The following LRRC4C variants were observed in gnomAD, a reference collection of about 807,000 sequenced individuals.
LRRC4C encodes leucine rich repeat containing 4C.
A neutral mutation model predicts 33.6 loss-of-function variants in LRRC4C; 5 were observed. The observed-to-expected ratio is 0.15, with a 90% confidence interval of 0.08 to 0.31. The LOEUF is 0.31. Among genes scored for constraint, LRRC4C ranks in the 10% least tolerant of loss-of-function variants. The probability of loss-of-function intolerance (pLI) is 1.00; values close to 1 mark genes in which losing one functional copy is unlikely to be tolerated. For missense variants in LRRC4C, 560 were observed against 796.7 expected, an observed-to-expected ratio of 0.70 and a Z score of 3.58; for synonymous variants, 329 against 302.0, an observed-to-expected ratio of 1.09 and a Z score of -0.93.
intron 2 of LRRC4C, among the ~76,000 whole-genome samples, chr11:40,847,592 A>G (rs1953249953): frequency 1.3e-5 from 2 of 152,192 alleles, no homozygotes; most frequent in Non-Finnish European, 2.9e-5. Context: ...CATCAGGGAT[A>G]CTGGCCTGAA....
chr11:41,344,378 G>A (rs1405564882), intron 1 of LRRC4C, among the ~76,000 whole-genome samples: 1 of 151,852 alleles, frequency 6.6e-6, no homozygotes, highest in Admixed American at 6.6e-5. Flanking sequence ...CCGCCACCAC[G>A]CCTGGCTAAT....
chr11:40,680,236 G>A (rs564903720), intron 2 of LRRC4C, among the ~76,000 whole-genome samples: 11 of 152,284 alleles, frequency 7.2e-5, no homozygotes, highest in Middle Eastern at 3.4e-3. Flanking sequence ...TTGTACTTAG[G>A]AAGTAACTAA....
At chr11:41,291,301 C>T (rs1376960704) in intron 1 of LRRC4C, among the ~76,000 whole-genome samples, 1 of 152,074 alleles carries the variant, frequency 6.6e-6, no homozygotes, top group Non-Finnish European at 1.5e-5. Context: ...ATGGGACACT[C>T]AGGGGTAATA....
chr11:41,227,920 A>T (rs1488269461), intron 1 of LRRC4C, among the ~76,000 whole-genome samples: 1 of 151,772 alleles, frequency 6.6e-6, no homozygotes, highest in Non-Finnish European at 1.5e-5. Context: ...GTGGACATTT[A>T]TACATTTTTA....
chr11:40,724,885 A>T (rs1947211994), intron 2 of LRRC4C, among the ~76,000 whole-genome samples: 1 of 152,166 alleles, frequency 6.6e-6, no homozygotes, highest in South Asian at 2.1e-4. Flanking sequence ...ACAAATAAGC[A>T]CAATCTGAAA....
At chr11:41,078,123 C>G (rs890852268) in intron 1 of LRRC4C, among the ~76,000 whole-genome samples, 5 of 152,182 alleles carry the variant, frequency 3.3e-5, no homozygotes, top group African/African-American at 4.8e-5. Flanking sequence ...CTTTATTTTC[C>G]CTATCACTAT....
chr11:40,915,153 T>A (rs367657491), intron 2 of LRRC4C, among the ~76,000 whole-genome samples: 1 of 152,126 alleles, frequency 6.6e-6, no homozygotes, highest in South Asian at 2.1e-4. Flanking sequence ...GCCGTCTCCA[T>A]CAAGCTACCA....
In LRRC4C at chr11:40,483,720, T is replaced by C. The variant is rs535830638; in HGVS notation, c.-269-163999A>G. ...AATAAATGAAATCAAAGCTAAAACA[T>C]TGGTAAAATGATTTTTAAATGTAAT... On this transcript the variant is annotated intron_variant, in intron 3 of 6. Coordinates refer to ENST00000528697, the MANE Select transcript of LRRC4C (RefSeq NM_001258419.2). 2.0e-5 allele frequency among the ~76,000 whole-genome samples: 3 copies of C among 151,844 alleles called. No homozygotes were observed. In the South Asian group the frequency reaches 6.2e-4, roughly 32 times the overall value.
intron 2 of LRRC4C, among the ~76,000 whole-genome samples, chr11:40,689,517 A>G (rs1394558882): frequency 6.6e-6 from 1 of 152,118 alleles, no homozygotes; most frequent in African/African-American, 2.4e-5. Context: ...TAATATTTAT[A>G]ACAATCATGA....
At chr11:41,299,720 A>G (rs1950234470) in intron 1 of LRRC4C, among the ~76,000 whole-genome samples, 1 of 152,166 alleles carries the variant, frequency 6.6e-6, no homozygotes, top group South Asian at 2.1e-4. Context: ...AAACATTGAA[A>G]TTTTCAAATA....
chr11:40,638,536 G>T (rs964117689), intron 3 of LRRC4C, among the ~76,000 whole-genome samples: 8 of 151,964 alleles, frequency 5.3e-5, no homozygotes. Flanking sequence ...ACAATGCCTC[G>T]GACATAGTAT....
chr11:40,296,804 A>T (rs1409748263), intron 4 of LRRC4C, among the ~76,000 whole-genome samples: 1 of 152,192 alleles, frequency 6.6e-6, no homozygotes, highest in Non-Finnish European at 1.5e-5. Flanking sequence ...TTCAAGTAAA[A>T]ATTTCTATAA....
At chr11:40,413,993 T>A (rs1042643128) in intron 3 of LRRC4C, among the ~76,000 whole-genome samples, 1 of 152,108 alleles carries the variant, frequency 6.6e-6, no homozygotes, top group African/African-American at 2.4e-5. Flanking sequence ...ACAATTTTCA[T>A]CATTTTGTGT....
At chr11:40,250,068 C>CT (rs1166157704) in intron 4 of LRRC4C, among the ~76,000 whole-genome samples, 5 of 152,186 alleles carry the variant, frequency 3.3e-5, no homozygotes, top group African/African-American at 1.2e-4. Flanking sequence ...CTGTAAATGA[C>CT]TAGGAGAGAT....
At chr11:41,198,924 T>C (rs12287576) in intron 1 of LRRC4C, among the ~76,000 whole-genome samples, 1,742 of 152,208 alleles carry the variant, frequency 0.011, 29 homozygotes, top group African/African-American at 0.039. Context: ...ACGGGTGTTT[T>C]ATTTATTTTA....
intron 3 of LRRC4C, among the ~76,000 whole-genome samples, chr11:40,485,852 G>T (rs1953833783): frequency 1.3e-5 from 2 of 152,058 alleles, no homozygotes; most frequent in South Asian, 4.1e-4. Context: ...CCTTTGCAGT[G>T]ATATGGATAG....
chr11:41,160,985 T>C lies in LRRC4C; in HGVS notation c.-495-227262A>G, dbSNP rs572015296. On this transcript the variant is annotated intron_variant, in intron 1 of 6. Coordinates refer to ENST00000528697, the MANE Select transcript of LRRC4C (RefSeq NM_001258419.2). ...TTTGGCTTTTGAGGAATGGGAACAA[T>C]TGACGATTTACTTTAGACATGATGT... Among the ~76,000 whole-genome samples, 20 of 152,300 alleles carry C rather than the reference T, an allele frequency of 1.3e-4. No homozygotes were observed. In the South Asian group the frequency reaches 3.9e-3, roughly 30 times the overall value.
At chr11:40,671,753 T>A (rs1207826962) in intron 2 of LRRC4C, among the ~76,000 whole-genome samples, 1 of 151,760 alleles carries the variant, frequency 6.6e-6, no homozygotes, top group East Asian at 1.9e-4. Context: ...ATAACCCTCA[T>A]CTTCATAATC....
At chr11:41,175,790 CTT>C (rs1157700643) in intron 1 of LRRC4C, among the ~76,000 whole-genome samples, 7 of 152,176 alleles carry the variant, frequency 4.6e-5, no homozygotes, top group African/African-American at 1.2e-4. Context: ...TCCTGACACT[CTT>C]TAACTTTTTA....
Sources: gnomAD v4.1 joint callset for allele counts (sites outside exome capture counted in the v4.1 genomes callset) on GRCh38, gnomAD v4.1.1 for gene constraint, MANE v1.5 for transcripts, NCBI Gene and HGNC (gene_info 2026-07-23, HGNC 2026-07-21) for gene names.